SMU1: variants seen among roughly 807,000 people sequenced by gnomAD.
The protein encoded by SMU1 is WD40 repeat-containing protein SMU1.
SMU1 carries 2 observed loss-of-function variants against 62.0 expected under a neutral mutation model. The ratio of observed to expected loss-of-function variants is 0.03; its 90% CI spans 0.01 to 0.10. SMU1 has a LOEUF of 0.10. SMU1 is among the 10% of genes least tolerant of loss of function. The pLI, the probability that SMU1 is intolerant of heterozygous loss-of-function variation, is 1.00. For synonymous variants in SMU1, 188 were observed against 212.4 expected (o/e 0.89, Z 1.00); for missense variants, 227 against 622.1 (o/e 0.36, Z 6.76).
At chr9:33,076,145 A>G (rs1218923527) in intron 1 of SMU1, among the ~76,000 whole-genome samples, 2 of 152,230 alleles carry the variant, frequency 1.3e-5, no homozygotes, top group East Asian at 3.8e-4. Flanking sequence ...ACTGAGTGAT[A>G]AACGCTAGGC....
chr9:33,060,119 C>T (rs1338396537), intron 6 of SMU1, among the ~76,000 whole-genome samples: 1 of 152,094 alleles, frequency 6.6e-6, no homozygotes, highest in Non-Finnish European at 1.5e-5. Flanking sequence ...AGGGATCCTC[C>T]CACTTCAGCC....
intron 9 of SMU1, 115 bp downstream of exon 9, chr9:33,055,998 T>C (rs1463109046): frequency 1.9e-6 from 2 of 1,047,016 alleles, no homozygotes; most frequent in East Asian, 2.7e-5. Context: ...ACAGCTAAAA[T>C]AGCCAGGAAA....
chr9:33,064,742 CTT>C (rs869041104), intron 4 of SMU1, among the ~76,000 whole-genome samples: 13 of 141,226 alleles, frequency 9.2e-5, no homozygotes, highest in Admixed American at 2.1e-4. Flanking sequence ...TATATTTTTT[CTT>C]TTTTTTTTTT....
At chr9:33,069,169 T>TA (rs1839459211) in intron 3 of SMU1, among the ~76,000 whole-genome samples, 1 of 152,184 alleles carries the variant, frequency 6.6e-6, no homozygotes, top group African/African-American at 2.4e-5. Context: ...ATCCACACTA[T>TA]TATTATTTTT....
chr9:33,066,610 A>G (rs1372811178), intron 4 of SMU1, among the ~76,000 whole-genome samples: 1 of 151,908 alleles, frequency 6.6e-6, no homozygotes, highest in Non-Finnish European at 1.5e-5. Context: ...GATCGAGACC[A>G]TCCTGGCCAA....
chr9:33,069,941 C>A (rs1415163124), intron 3 of SMU1, among the ~76,000 whole-genome samples: 4 of 152,194 alleles, frequency 2.6e-5, no homozygotes, highest in African/African-American at 7.2e-5. Flanking sequence ...ACCTGGCCAA[C>A]ATGGCGAAAC....
intron 1 of SMU1, among the ~76,000 whole-genome samples, chr9:33,075,220 CA>C (rs1255351126): frequency 1.3e-5 from 2 of 151,988 alleles, no homozygotes; most frequent in African/African-American, 2.4e-5. Flanking sequence ...ACTAAAAATA[CA>C]AAAAAATTAG....
intron 4 of SMU1, among the ~76,000 whole-genome samples, chr9:33,066,806 A>C (rs1839425847): frequency 6.7e-6 from 1 of 150,274 alleles, no homozygotes; most frequent in East Asian, 1.9e-4. Context: ...CTCTGTCTCA[A>C]AAAAAAAAAG....
chr9:33,063,060 G>GA (rs987010434), intron 4 of SMU1, among the ~76,000 whole-genome samples: 3 of 152,052 alleles, frequency 2.0e-5, no homozygotes, highest in African/African-American at 7.2e-5. Context: ...AAAAAGTCGG[G>GA]AAAAAAAGCC....
In SMU1 at chr9:33,049,419, C is replaced by T. The variant is rs185767102; in HGVS notation, c.1291-1161G>A. Among the ~76,000 whole-genome samples the T allele has an allele frequency of 7.2e-5, 11 of 152,250 alleles. No homozygotes were observed. In the East Asian group the frequency reaches 2.1e-3, roughly 29 times the overall value. On this transcript the variant is annotated intron_variant, in intron 10 of 11. Coordinates refer to ENST00000397149, the MANE Select transcript of SMU1 (RefSeq NM_018225.3). ...GTATCTAGACACAATAAAATAAAGA[C>T]CTTACAGTCTTCACAAAAATTAACT...
In SMU1 at chr9:33,048,199, G is replaced by A. The variant is rs1403832609; in HGVS notation, c.1350C>T (p.Leu450=). The A allele has an allele frequency of 6.2e-7, 1 of 1,614,168 alleles. No individual in the cohort carries two copies. The highest frequency in any genetic ancestry group is 8.5e-7 in the Non-Finnish European group (1 of 1,180,038). ...AGTAGATCCATTCACCACGGGGAGA[G>A]AGGGCACAGCAAACAAAGTCCCCAC... ...REGGDFVCCA[L]SPRGEWIYCV... Residue 450 remains leucine, a synonymous_variant, in exon 11 of 12, where the codon CTC becomes CTT. Transcript: ENST00000397149.
rs750052117 is a variant in SMU1, at chr9:33,048,201, G to A, written c.1348C>T (p.Leu450Phe). 18 of 1,614,112 alleles carry A rather than the reference G, an allele frequency of 1.1e-5. No individual in the cohort carries two copies. Among genetic ancestry groups the A allele is most frequent in the Non-Finnish European group, 1.5e-5 (18 of 1,180,036 alleles). Residue 450 changes from leucine (L) to phenylalanine (F), a missense_variant, in exon 11 of 12, where the codon CTC becomes TTC. Leu to Phe is a conservative substitution (Grantham distance 22). This residue lies in a region of SMU1 where 25 missense variants were observed against 116.2 expected (regional missense o/e 0.22). Coordinates refer to ENST00000397149, the MANE Select transcript of SMU1 (RefSeq NM_018225.3). Reference sequence around the variant, plus strand: ...TAGATCCATTCACCACGGGGAGAGAGGGCACAGCAAACAAAGTCCCCACCT... The same window carrying A: ...TAGATCCATTCACCACGGGGAGAGAAGGCACAGCAAACAAAGTCCCCACCT... ...REGGDFVCCA[L>F]SPRGEWIYCV... is the part of the protein sequence containing the mutation.
chr9:33,060,638 C>G, intron 5 of SMU1, 54 bp from the exon 6 acceptor site: 3 of 1,597,730 alleles, frequency 1.9e-6, no homozygotes, highest in Non-Finnish European at 2.6e-6. Context: ...GGACTTAAAA[C>G]AATTCCTTTT....
intron 1 of SMU1, among the ~76,000 whole-genome samples, chr9:33,075,933 CTG>C (rs1190787640): frequency 6.6e-6 from 1 of 152,228 alleles, no homozygotes; most frequent in African/African-American, 2.4e-5. Context: ...AGTCTCCAGT[CTG>C]TCTCTCCCCA....
intron 4 of SMU1, 39 bp from the exon 5 acceptor site, chr9:33,062,216 G>A: frequency 1.3e-6 from 2 of 1,593,062 alleles, no homozygotes; most frequent in Non-Finnish European, 1.7e-6. Flanking sequence ...CTGTTCAGGT[G>A]CTTTTAAGAT....
At chr9:33,050,791 A>C (rs1359685874) in intron 10 of SMU1, among the ~76,000 whole-genome samples, 1 of 149,906 alleles carries the variant, frequency 6.7e-6, no homozygotes, top group African/African-American at 2.5e-5. Flanking sequence ...GCGCCACTGC[A>C]CTCCAGCCTG....
intron 5 of SMU1, 80 bp downstream of exon 5, chr9:33,061,969 C>T (rs1441732756): frequency 6.8e-7 from 1 of 1,481,086 alleles, no homozygotes; most frequent in Non-Finnish European, 9.2e-7. Flanking sequence ...TTATCCAAGC[C>T]CCTGGCACAG....
chr9:33,063,404 T>A (rs1358669581), intron 4 of SMU1, among the ~76,000 whole-genome samples: 1 of 151,994 alleles, frequency 6.6e-6, no homozygotes, highest in Non-Finnish European at 1.5e-5. Context: ...CAAAATAATA[T>A]AAGTGAAGCC....
At chr9:33,076,457 T>C (rs1170135461) in intron 1 of SMU1, 126 bp downstream of exon 1, 14 of 1,180,282 alleles carry the variant, frequency 1.2e-5, no homozygotes, top group Non-Finnish European at 1.7e-5. Flanking sequence ...AGATGCTTCT[T>C]TGGGGGCAAG....
Sources: gnomAD v4.1 joint callset for allele counts (sites outside exome capture counted in the v4.1 genomes callset) on GRCh38, gnomAD v4.1.1 for gene constraint, gnomAD v4.1.1 regional missense constraint, MANE v1.5 for transcripts, NCBI Gene and HGNC (gene_info 2026-07-23, HGNC 2026-07-21) for gene names.